The following NOTCH3 variants were observed in gnomAD, a reference collection of about 807,000 sequenced individuals.
NOTCH3 encodes notch receptor 3, also known as neurogenic locus notch homolog protein 3.
A neutral mutation model predicts 213.3 loss-of-function variants in NOTCH3; 86 were observed. The observed-to-expected ratio is 0.40, with a 90% CI of 0.34 to 0.48. The LOEUF (loss-of-function observed/expected upper bound fraction) is 0.48. Ranked by LOEUF, NOTCH3 falls within the 20% of genes least tolerant of loss-of-function variation. NOTCH3 has a pLI of 0.57. For missense variants in NOTCH3, 2,783 were observed against 3,272.6 expected, an observed-to-expected ratio of 0.85 and a Z score of 3.65; for synonymous variants, 1,354 against 1,355.9, an observed-to-expected ratio of 1.00 and a Z score of 0.03.
In NOTCH3 at chr19:15,165,224, A is replaced by T. The variant is rs1361461370; in HGVS notation, c.5815+144T>A. ...TAAGGACTAGTGGTGACCCTGCATG[A>T]CCCTGCAGGCTTCATGAAGCCTGGT... On this transcript the variant is annotated intron_variant, in intron 31 of 32. Coordinates refer to ENST00000263388, the MANE Select transcript of NOTCH3 (RefSeq NM_000435.3). The surrounding 1 kb of genome is among the most constrained non-coding windows in gnomAD (Gnocchi z 4.7). 7 of 858,264 alleles carry T rather than the reference A, an allele frequency of 8.2e-6. No homozygotes were observed. The highest frequency in any genetic ancestry group is 9.7e-6 in the Non-Finnish European group (5 of 514,654). 53.2% of individuals were successfully genotyped at this position (858,264 alleles called of 1,614,324 possible). A position where few individuals can be genotyped will look rare whatever the true frequency, so the allele number is the denominator to read the frequency against.
At chr19:15,179,327 CT>C in intron 21 of NOTCH3, 36 bp downstream of exon 21, 4 of 1,611,076 alleles carry the variant, frequency 2.5e-6, no homozygotes, top group Non-Finnish European at 2.5e-6. Flanking sequence ...TGAAGACAGC[CT>C]CTCATCCTGT....
In NOTCH3 at chr19:15,165,277, G is replaced by C. The variant is rs2046676159; in HGVS notation, c.5815+91C>G. On this transcript the variant is annotated intron_variant, in intron 31 of 32. Transcript: ENST00000263388. This position sits in a 1 kb window ranked among gnomAD's most constrained non-coding sequence, Gnocchi z 4.7. ...TGTGTGCGTGAGCTTCAGTGATTGGGTCTCAACATGGGTATGAATTTGCAC... is the reference window on the plus strand; with the variant it reads ...TGTGTGCGTGAGCTTCAGTGATTGGCTCTCAACATGGGTATGAATTTGCAC... The C allele has an allele frequency of 2.2e-6, 3 of 1,341,356 alleles. No individual in the cohort carries two copies. In the South Asian group the frequency reaches 3.5e-5, roughly 16 times the overall value. 83.1% of individuals were successfully genotyped at this position (1,341,356 alleles called of 1,614,324 possible).
At chr19:15,192,845 G>A (rs2046941056) in intron 2 of NOTCH3, among the ~76,000 whole-genome samples, 1 of 152,164 alleles carries the variant, frequency 6.6e-6, no homozygotes, top group Admixed American at 6.5e-5. Context: ...AACTCGGGAG[G>A]TGGAGGTTGC....
At position 15,187,885 on chromosome 19, in the gene NOTCH3, G is replaced by T. The variant is rs1275069380; in HGVS notation, c.1602C>A (p.Ala534=). 9 of 1,548,516 alleles carry T rather than the reference G, an allele frequency of 5.8e-6. No homozygotes were observed. Among genetic ancestry groups the T allele is most frequent in the Non-Finnish European group, 7.9e-6 (9 of 1,146,478 alleles). ...ACTGTCATTGGCCCGCCTCACCCTC[G>T]GCACAGCGGCACTCGTAGCCATCGG... is the stretch of plus-strand genomic sequence containing the variant. The part of the protein sequence containing the change: ...DQPDGYECRC[A]EGFEGTLCDR... Residue 534 remains alanine, a synonymous_variant, in exon 10 of 33, where the codon GCC becomes GCA. Transcript: ENST00000263388.
intron 24 of NOTCH3, among the ~76,000 whole-genome samples, chr19:15,176,507 T>C (rs1599377319): frequency 6.6e-6 from 1 of 151,944 alleles, no homozygotes; most frequent in African/African-American, 2.4e-5. Context: ...AGGCCCACAA[T>C]CCCAGCACTT....
Position 15,174,571 on chromosome 19 carries a change from ATTTTT to A in NOTCH3, c.4404-176_4404-172del, listed in dbSNP as rs71168591. On this transcript the variant is annotated intron_variant, in intron 24 of 32. Coordinates refer to ENST00000263388, the MANE Select transcript of NOTCH3 (RefSeq NM_000435.3). ...TGCAAATCTTGCCATTCACTGGATA[ATTTTT>A]TTTTTTTTTTTTTGAGACGGAGTCT... is the stretch of plus-strand genomic sequence containing the variant. Among the ~76,000 whole-genome samples the A allele has an allele frequency of 0.015, 2,155 of 145,336 alleles. 20 individuals carry two copies. The highest frequency in any genetic ancestry group is 0.042 in the Middle Eastern group (12 of 284).
At chr19:15,174,998 T>G (rs1385023876) in intron 24 of NOTCH3, among the ~76,000 whole-genome samples, 1 of 151,598 alleles carries the variant, frequency 6.6e-6, no homozygotes, top group East Asian at 1.9e-4. Context: ...TTATCCTCCC[T>G]CTTCAGCCTC....
rs543899165 is a variant in NOTCH3, at chr19:15,168,651, T to G, written c.5200-1240A>C. On this transcript the variant is annotated intron_variant, in intron 28 of 32. Transcript: ENST00000263388. ...CAGCTTGAGACCAGCCTGGCCAACA[T>G]GGTGAAACCCCATCTCTACTAAAAA... Among the ~76,000 whole-genome samples, 3 of 152,068 alleles carry G rather than the reference T, an allele frequency of 2.0e-5. No homozygotes were observed. In the South Asian group the frequency reaches 6.2e-4, roughly 32 times the overall value.
chr19:15,173,735 A>AGAAGAAGAAGAAGAAGAAGAAG (rs1568351697), intron 25 of NOTCH3, among the ~76,000 whole-genome samples: 19 of 5,398 alleles, frequency 3.5e-3, no homozygotes, highest in African/African-American at 0.033. Flanking sequence ...AAAAAAAAAA[A>AGAAGAAGAAGAAGAAGAAGAAG]AAAAAAGAAA....
chr19:15,184,005 T>G (rs1243072460), intron 16 of NOTCH3, among the ~76,000 whole-genome samples: 2 of 124,092 alleles, frequency 1.6e-5, no homozygotes, highest in African/African-American at 3.3e-5. Context: ...ATTGCAACAC[T>G]GCACTCCAGC....
rs954045179 is a variant in NOTCH3, at chr19:15,159,240, C to G, written c.*1422G>C. On this transcript the variant is annotated 3_prime_UTR_variant, in exon 33 of 33. Coordinates refer to ENST00000263388, the MANE Select transcript of NOTCH3 (RefSeq NM_000435.3). ...CTGGGAGCCGAGATAACCCCCCCAG[C>G]CCTCAAGGAGCCATTTGAGCTCTCA... The G allele has an allele frequency of 6.6e-6, 1 of 152,516 alleles. No individual in the cohort carries two copies. The highest frequency in any genetic ancestry group is 1.5e-5 in the Non-Finnish European group (1 of 68,270). 9.4% of individuals were successfully genotyped at this position (152,516 alleles called of 1,614,324 possible). A position where few individuals can be genotyped will look rare whatever the true frequency, so the allele number is the denominator to read the frequency against.
At position 15,181,708 on chromosome 19, in the gene NOTCH3, T is replaced by G. The variant is rs2046843575; in HGVS notation, c.2660A>C (p.Asp887Ala). 10 of 1,566,854 alleles carry G rather than the reference T, an allele frequency of 6.4e-6. No individual in the cohort carries two copies. Among genetic ancestry groups the G allele is most frequent in the Admixed American group, 3.8e-5 (2 of 53,008 alleles). ...GGGGTTGCTCAGGCACTCATCCACA[T>G]CGCGGGCGCATCGTGGGCCGGCGAA... ...PGFAGPRCAR[D>A]VDECLSNPCG... The change falls in exon 17 of 33, where the codon GAT (aspartate) becomes GCT (alanine). Residue 887 changes from aspartate to alanine, a missense_variant. By Grantham distance (126) the Asp-to-Ala change is moderately radical. Coordinates refer to ENST00000263388, the MANE Select transcript of NOTCH3 (RefSeq NM_000435.3).
intron 10 of NOTCH3, 38 bp downstream of exon 10, chr19:15,187,843 C>G: frequency 6.7e-7 from 1 of 1,497,968 alleles, no homozygotes. Flanking sequence ...CAAGCCCCGC[C>G]TCCTGATTCT....
intron 24 of NOTCH3, among the ~76,000 whole-genome samples, chr19:15,176,000 C>G (rs566682520): frequency 1.3e-5 from 2 of 150,854 alleles, no homozygotes; most frequent in South Asian, 2.1e-4. Flanking sequence ...CTGCCTAGGA[C>G]AGACAGAGAG....
At chr19:15,168,569 C>T (rs2046704418) in intron 28 of NOTCH3, among the ~76,000 whole-genome samples, 1 of 152,192 alleles carries the variant, frequency 6.6e-6, no homozygotes, top group South Asian at 2.1e-4. Flanking sequence ...CACGGTGGCT[C>T]ACGTCTGTAA....
Position 15,161,635 on chromosome 19 carries a change from C to T in NOTCH3, c.5993G>A (p.Arg1998His), listed in dbSNP as rs2046644859. ...AKLLLDHFAN[R>H]EITDHLDRLP... Reference sequence around the variant, plus strand: ...CCTGTCCAGGTGGTCGGTGATCTCACGGTTGGCAAAGTGGTCCAACAGCAG... The same window carrying T: ...CCTGTCCAGGTGGTCGGTGATCTCATGGTTGGCAAAGTGGTCCAACAGCAG... The change falls in exon 33 of 33, where the codon CGT becomes CAT. Residue 1998 changes from arginine to histidine, a missense_variant. Coordinates refer to ENST00000263388, the MANE Select transcript of NOTCH3 (RefSeq NM_000435.3). 12 of 1,613,710 alleles carry T rather than the reference C, an allele frequency of 7.4e-6. No individual in the cohort carries two copies. The highest frequency in any genetic ancestry group is 1.0e-5 in the Non-Finnish European group (12 of 1,179,854).
Position 15,178,105 on chromosome 19 carries a change from TG to T in NOTCH3, c.3838-16del. Reference sequence around the variant, plus strand: ...CCCCAGAACGGCTGGGGGTCGGGTTTGGGGAGGGAGGGATAAAAATGAGGGT... The same window carrying T: ...CCCCAGAACGGCTGGGGGTCGGGTTTGGGAGGGAGGGATAAAAATGAGGGT... On this transcript the variant is annotated splice_polypyrimidine_tract_variant and intron_variant, in intron 23 of 32. Transcript: ENST00000263388. The T allele has an allele frequency of 6.7e-7, 1 of 1,499,052 alleles. No homozygotes were observed. Among genetic ancestry groups the T allele is most frequent in the Non-Finnish European group, 8.9e-7 (1 of 1,125,924 alleles). The allele number at this position is 1,499,052 out of a possible 1,614,324, so 92.9% of individuals were successfully genotyped here.
intron 6 of NOTCH3, among the ~76,000 whole-genome samples, chr19:15,190,395 C>A (rs1455794755): frequency 1.3e-5 from 2 of 152,126 alleles, no homozygotes; most frequent in Admixed American, 1.3e-4. Flanking sequence ...GCCATGTATG[C>A]CCTCTTTCTA....
In NOTCH3 at chr19:15,160,938, G is replaced by T. The variant is rs2046635035; in HGVS notation, c.6690C>A (p.Pro2230=). 6.3e-7 allele frequency: 1 copy of T among 1,598,354 alleles called. No homozygotes were observed. The highest frequency in any genetic ancestry group is 8.5e-7 in the Non-Finnish European group (1 of 1,172,156). Residue 2230 remains proline, a synonymous_variant, in exon 33 of 33, where the codon CCC becomes CCA. Coordinates refer to ENST00000263388, the MANE Select transcript of NOTCH3 (RefSeq NM_000435.3). ...GAACCCGCAGGAAGCGGGCCTTTGG[G>T]GGGCTGCTGTGTGCCCCAGCCGCCG... ...EYPAAGAHSS[P]PKARFLRVPS...
Sources: gnomAD v4.1 joint callset for allele counts (sites outside exome capture counted in the v4.1 genomes callset) on GRCh38, gnomAD v4.1.1 for gene constraint, Gnocchi (gnomAD v3.1) non-coding constraint, MANE v1.5 for transcripts, NCBI Gene and HGNC (gene_info 2026-07-23, HGNC 2026-07-21) for gene names.